FEZ2: variants seen among roughly 807,000 people sequenced by gnomAD.
FEZ2 encodes the protein fasciculation and elongation protein zeta 2, also known as fasciculation and elongation protein zeta-2.
Under a neutral mutation model 40.4 loss-of-function variants are expected in FEZ2, and 51 were observed. The ratio of observed to expected loss-of-function variants is 1.26; its 90% CI spans 1.01 to 1.59. FEZ2 has a LOEUF of 1.59. Among genes scored for constraint, FEZ2 ranks in the 40% most tolerant of loss-of-function variants. The pLI is 0.00. For synonymous variants in FEZ2, 242 were observed against 172.0 expected, an observed-to-expected ratio of 1.41 and a Z score of -3.18; for missense variants, 640 against 438.3, an observed-to-expected ratio of 1.46 and a Z score of -4.11.
intron 7 of FEZ2, 75 bp downstream of exon 7, chr2:36,555,608 G>C: frequency 1.4e-6 from 1 of 728,526 alleles, no homozygotes; most frequent in Non-Finnish European, 2.3e-6. Context: ...ACTGTCTAAT[G>C]TATTAGCAAG....
chr2:36,562,428 GA>G (rs1238986573), intron 5 of FEZ2, among the ~76,000 whole-genome samples: 1 of 152,130 alleles, frequency 6.6e-6, no homozygotes, highest in Non-Finnish European at 1.5e-5. Context: ...TAACTCTATG[GA>G]GTTACTGAAA....
chr2:36,591,286 C>T (rs72868492), intron 1 of FEZ2: 7,367 of 436,718 alleles, frequency 0.017, 474 homozygotes, highest in African/African-American at 0.14. Flanking sequence ...ATATTAGGTG[C>T]TAGGCACTGT....
rs1157210515 is a variant in FEZ2 at position 36,597,974 on chromosome 2, TCTC to T, written c.166_168del (p.Glu56del). Reference sequence around the variant, plus strand: ...GAGGGGCGGAAGCACAGGCTCAGCTTCTCCTCCAAGCTGCAGGCCGGGGCCGGG... The same window carrying T: ...GAGGGGCGGAAGCACAGGCTCAGCTTCTCCAAGCTGCAGGCCGGGGCCGGG... On this transcript the variant is annotated inframe_deletion, in exon 1 of 8. Coordinates refer to ENST00000405912, the MANE Select transcript of FEZ2 (RefSeq NM_005102.3). The T allele has an allele frequency of 1.4e-5, 21 of 1,486,036 alleles. No homozygotes were observed. Among genetic ancestry groups the T allele is most frequent in the Admixed American group, 8.9e-5 (4 of 44,894 alleles). 92.1% of individuals were successfully genotyped at this position (1,486,036 alleles called of 1,614,324 possible).
chr2:36,568,158 A>T (rs1344343820), intron 5 of FEZ2, among the ~76,000 whole-genome samples: 1 of 151,534 alleles, frequency 6.6e-6, no homozygotes, highest in Non-Finnish European at 1.5e-5. Context: ...TAGGAGGACA[A>T]GGAAAGGGAG....
At chr2:36,578,104 T>A (rs1385979212) in intron 5 of FEZ2, among the ~76,000 whole-genome samples, 1 of 152,222 alleles carries the variant, frequency 6.6e-6, no homozygotes, top group Non-Finnish European at 1.5e-5. Context: ...CTTCTTGTAT[T>A]CCAACCTCAC....
At chr2:36,561,352 A>G (rs1370104378) in intron 5 of FEZ2, 1 of 152,226 alleles carries the variant, frequency 6.6e-6, no homozygotes, top group Non-Finnish European at 1.5e-5. Flanking sequence ...AGAGCTGATT[A>G]TTGCTTCCCA....
chr2:36,572,812 TATCA>T (rs1369056480), intron 5 of FEZ2, among the ~76,000 whole-genome samples: 2 of 152,194 alleles, frequency 1.3e-5, no homozygotes, highest in Non-Finnish European at 2.9e-5. Context: ...AAACAAAGGC[TATCA>T]ATCATATTAT....
Position 36,585,819 on chromosome 2 carries a change from G to C in FEZ2, c.376-2350C>G, listed in dbSNP as rs189608517. On this transcript the variant is annotated intron_variant, in intron 2 of 7. Coordinates refer to ENST00000405912, the MANE Select transcript of FEZ2 (RefSeq NM_005102.3). ...GTTTTTGGGAGGGTATAGTGTCAGG[G>C]ATTGGCAAAGGACAGAAGAGAGCTA... Among the ~76,000 whole-genome samples, 306 of 152,284 alleles carry C rather than the reference G, an allele frequency of 2.0e-3. 2 individuals are homozygous for C. Among genetic ancestry groups the C allele is most frequent in the East Asian group, 8.7e-3 (45 of 5,180 alleles).
At chr2:36,580,163 C>A in intron 4 of FEZ2, among the ~76,000 whole-genome samples, 1 of 152,208 alleles carries the variant, frequency 6.6e-6, no homozygotes, top group Admixed American at 6.5e-5. Flanking sequence ...TTTGTTCTGG[C>A]AGCCCTAGCA....
At chr2:36,593,584 C>A (rs993453191) in intron 1 of FEZ2, among the ~76,000 whole-genome samples, 1 of 152,080 alleles carries the variant, frequency 6.6e-6, no homozygotes, top group Non-Finnish European at 1.5e-5. Flanking sequence ...GCTGTACTCT[C>A]GCCCCTTTCA....
chr2:36,554,407 C>A (rs535758461), intron 7 of FEZ2: 31 of 422,114 alleles, frequency 7.3e-5, no homozygotes, highest in Admixed American at 1.2e-4. Context: ...CTCATAGAGG[C>A]CTAGGAACCC....
intron 5 of FEZ2, among the ~76,000 whole-genome samples, chr2:36,570,779 TATAG>T (rs1462826116): frequency 2.0e-5 from 3 of 152,194 alleles, no homozygotes; most frequent in African/African-American, 7.2e-5. Context: ...TGTATCTAAA[TATAG>T]ATAAACATAG....
chr2:36,559,561 C>T (rs749736390), intron 5 of FEZ2, among the ~76,000 whole-genome samples: 30 of 152,312 alleles, frequency 2.0e-4, no homozygotes, highest in Admixed American at 1.2e-3. Context: ...CTCTGAGACA[C>T]GTTAAGTGTC....
intron 4 of FEZ2, among the ~76,000 whole-genome samples, chr2:36,579,755 T>C (rs1668679352): frequency 6.6e-6 from 1 of 152,126 alleles, no homozygotes; most frequent in Admixed American, 6.5e-5. Flanking sequence ...AAGAATGGAC[T>C]AAAAAAACTG....
intron 5 of FEZ2, among the ~76,000 whole-genome samples, chr2:36,567,793 G>C (rs960254136): frequency 2.6e-5 from 4 of 151,654 alleles, no homozygotes; most frequent in African/African-American, 9.7e-5. Flanking sequence ...CAAACCCCTA[G>C]CTAGGATAAT....
intron 1 of FEZ2, among the ~76,000 whole-genome samples, chr2:36,593,649 C>T (rs1345449950): frequency 1.3e-5 from 2 of 152,058 alleles, no homozygotes; most frequent in African/African-American, 2.4e-5. Context: ...CCGCATACAG[C>T]AGGCAGACCC....
chr2:36,577,334 C>T (rs996279014), intron 5 of FEZ2, among the ~76,000 whole-genome samples: 3 of 151,818 alleles, frequency 2.0e-5, no homozygotes, highest in African/African-American at 4.8e-5. Flanking sequence ...CTTGGCTCAC[C>T]GCAATCTCCG....
chr2:36,574,041 A>T (rs563177692), intron 5 of FEZ2, among the ~76,000 whole-genome samples: 15 of 152,244 alleles, frequency 9.9e-5, no homozygotes, highest in Non-Finnish European at 2.1e-4. Context: ...CAATTTTAGG[A>T]AAATGGTAAC....
intron 5 of FEZ2, among the ~76,000 whole-genome samples, chr2:36,578,293 G>A (rs953187114): frequency 6.6e-6 from 1 of 152,218 alleles, no homozygotes; most frequent in African/African-American, 2.4e-5. Flanking sequence ...TGGTAAAAAT[G>A]TTCACTTGCT....
Sources: gnomAD v4.1 joint callset for allele counts (sites outside exome capture counted in the v4.1 genomes callset) on GRCh38, gnomAD v4.1.1 for gene constraint, MANE v1.5 for transcripts, NCBI Gene and HGNC (gene_info 2026-07-23, HGNC 2026-07-21) for gene names.